The following SLIT3 variants were observed in gnomAD, a reference collection of about 807,000 sequenced individuals.
SLIT3 encodes slit homolog 3 protein.
A neutral mutation model predicts 184.0 loss-of-function variants in SLIT3; 68 were observed. The ratio of observed to expected loss-of-function variants is 0.37; its 90% CI spans 0.30 to 0.45. SLIT3 has a LOEUF of 0.45. SLIT3 is among the 20% of genes least tolerant of loss of function. The probability of loss-of-function intolerance (pLI) is 1.00; values close to 1 mark genes in which losing one functional copy is unlikely to be tolerated. For missense variants in SLIT3, 1,707 were observed against 2,026.0 expected (o/e 0.84, Z 3.02); for synonymous variants, 831 against 828.6 (o/e 1.00, Z -0.05).
At chr5:169,224,511 G>T (rs1764731814) in intron 3 of SLIT3, among the ~76,000 whole-genome samples, 1 of 151,830 alleles carries the variant, frequency 6.6e-6, no homozygotes, top group Non-Finnish European at 1.5e-5. Flanking sequence ...GAGACTACAA[G>T]CGTGCACTAC....
At chr5:169,283,233 T>G (rs1036069002) in intron 1 of SLIT3, among the ~76,000 whole-genome samples, 3 of 152,230 alleles carry the variant, frequency 2.0e-5, no homozygotes, top group Non-Finnish European at 2.9e-5. Context: ...GAAATTTGGT[T>G]GCAATCTTAT....
chr5:169,148,006 CCTGT>C (rs1319346609), intron 4 of SLIT3, among the ~76,000 whole-genome samples: 1 of 152,136 alleles, frequency 6.6e-6, no homozygotes, highest in East Asian at 1.9e-4. Context: ...AAGATTCGTT[CCTGT>C]CTGTTTTTGC....
chr5:168,969,919 C>T (rs925636260), intron 4 of SLIT3, among the ~76,000 whole-genome samples: 15 of 152,344 alleles, frequency 9.8e-5, no homozygotes, highest in South Asian at 4.1e-4. Context: ...CAGTGGCTCC[C>T]GCCTGTAACG....
At chr5:169,123,797 G>A (rs2113295181) in intron 4 of SLIT3, among the ~76,000 whole-genome samples, 1 of 152,330 alleles carries the variant, frequency 6.6e-6, no homozygotes, top group South Asian at 2.1e-4. Flanking sequence ...AGGCAGACTG[G>A]TCAACAGCAA....
chr5:168,778,725 A>G (rs1336916835), intron 12 of SLIT3, among the ~76,000 whole-genome samples: 3 of 152,232 alleles, frequency 2.0e-5, no homozygotes, highest in Non-Finnish European at 4.4e-5. Context: ...ACCGTAGGAC[A>G]GAGATAACAG....
At chr5:169,173,597 A>G (rs1025170015) in intron 4 of SLIT3, among the ~76,000 whole-genome samples, 104 of 152,270 alleles carry the variant, frequency 6.8e-4, no homozygotes, top group African/African-American at 2.5e-3. Flanking sequence ...TAATCTGGGC[A>G]GTTACCACAG....
intron 6 of SLIT3, among the ~76,000 whole-genome samples, chr5:168,828,442 G>A (rs934292192): frequency 6.6e-6 from 1 of 151,866 alleles, no homozygotes; most frequent in Non-Finnish European, 1.5e-5. Flanking sequence ...ACCAGCCTGG[G>A]CAACATAGGG....
At chr5:168,683,939 T>C in intron 32 of SLIT3, 27 bp downstream of exon 32, 1 of 1,462,170 alleles carries the variant, frequency 6.8e-7, no homozygotes, top group Non-Finnish European at 9.1e-7. Flanking sequence ...GAACACACAG[T>C]GGGTCAGGAG....
intron 6 of SLIT3, among the ~76,000 whole-genome samples, chr5:168,825,656 C>CTGTGTG (rs898612114): frequency 6.6e-6 from 1 of 152,128 alleles, no homozygotes; most frequent in Non-Finnish European, 1.5e-5. Flanking sequence ...GGCTTCTTTT[C>CTGTGTG]TGTGTGTGTG....
At chr5:169,190,135 T>C (rs1011734986) in intron 4 of SLIT3, among the ~76,000 whole-genome samples, 2 of 152,158 alleles carry the variant, frequency 1.3e-5, no homozygotes, top group Admixed American at 6.5e-5. Context: ...GCAACATTGA[T>C]TGGCTGGGAC....
chr5:168,666,276 TCCA>T lies in SLIT3; in HGVS notation c.*175_*177del. ...TAATAAAAGATGAAAATAGTCACTT[TCCA>T]TAATAAAAATAAGTTCTATTTTTTG... On this transcript the variant is annotated 3_prime_UTR_variant, in exon 36 of 36. Coordinates refer to ENST00000519560, the MANE Select transcript of SLIT3 (RefSeq NM_003062.4). 1 of 530,922 alleles carries T rather than the reference TCCA, an allele frequency of 1.9e-6. No homozygotes were observed. Among genetic ancestry groups the T allele is most frequent in the Non-Finnish European group, 3.1e-6 (1 of 320,966 alleles). The allele number at this position is 530,922 out of a possible 1,614,324, so 32.9% of individuals were successfully genotyped here. A position where few individuals can be genotyped will look rare whatever the true frequency, so the allele number is the denominator to read the frequency against.
At chr5:169,047,712 A>G (rs558985284) in intron 4 of SLIT3, among the ~76,000 whole-genome samples, 100 of 152,150 alleles carry the variant, frequency 6.6e-4, no homozygotes, top group African/African-American at 2.4e-3. Context: ...GGGGGCCTTC[A>G]TATACAATGC....
At chr5:168,993,683 A>AAC (rs1755410468) in intron 4 of SLIT3, among the ~76,000 whole-genome samples, 1 of 152,012 alleles carries the variant, frequency 6.6e-6, no homozygotes, top group Non-Finnish European at 1.5e-5. Flanking sequence ...GAAAAAAAAA[A>AAC]AAACTCCTGA....
In SLIT3 at chr5:169,015,983, CACAA is replaced by C. The variant is rs772172330; in HGVS notation, c.414-132651_414-132648del. Among the ~76,000 whole-genome samples the C allele has an allele frequency of 7.6e-3, 614 of 80,682 alleles. 6 individuals carry two copies. Among genetic ancestry groups the C allele is most frequent in the East Asian group, 0.064 (75 of 1,178 alleles). The allele number at this position is 80,682 out of a possible 152,430, so 52.9% of individuals were successfully genotyped here. A position where few individuals can be genotyped will look rare whatever the true frequency, so the allele number is the denominator to read the frequency against. On this transcript the variant is annotated intron_variant, in intron 4 of 35. Transcript: ENST00000519560. ...ACACACACACACACACACACACACA[CACAA>C]CTTTCTGTCTGCCCCCTTGCTCTTC...
At position 168,685,107 on chromosome 5, in the gene SLIT3, G is replaced by A. The variant is rs1761705314; in HGVS notation, c.3555+580C>T. ...TGGGATTACAGGCATGCACCACCAC[G>A]CCCTGCTAATTTTTTATTTTTAGTA... On this transcript the variant is annotated intron_variant, in intron 31 of 35. Coordinates refer to ENST00000519560, the MANE Select transcript of SLIT3 (RefSeq NM_003062.4). 3.3e-5 allele frequency among the ~76,000 whole-genome samples: 5 copies of A among 152,108 alleles called. No individual in the cohort carries two copies. In the South Asian group the frequency reaches 8.3e-4, roughly 25 times the overall value.
intron 16 of SLIT3, 38 bp from the exon 17 acceptor site, chr5:168,754,045 A>T (rs1329799150): frequency 1.3e-6 from 2 of 1,531,080 alleles, no homozygotes; most frequent in South Asian, 2.4e-5. Context: ...AATCAAAAGG[A>T]GCAGATGGTC....
At position 169,036,306 on chromosome 5, in the gene SLIT3, T is replaced by C. The variant is rs1372189193; in HGVS notation, c.414-152970A>G. 2.0e-5 allele frequency: 3 copies of C among 152,270 alleles called. No homozygotes were observed. The East Asian group carries it at 5.8e-4, about 29-fold the overall frequency. 9.4% of individuals were successfully genotyped at this position (152,270 alleles called of 1,614,324 possible). On this transcript the variant is annotated intron_variant, in intron 4 of 35. Transcript: ENST00000519560. The stretch of plus-strand genomic sequence containing the variant: ...TTCAGTTTGAATAAACAGAACTAGA[T>C]GAATACACCTAGGGAATCTGTGAGG...
chr5:168,920,192 T>C (rs1057178323), intron 4 of SLIT3, among the ~76,000 whole-genome samples: 2 of 152,086 alleles, frequency 1.3e-5, no homozygotes, highest in Admixed American at 6.5e-5. Context: ...AAGAGGACAA[T>C]AAATAGCTAC....
intron 4 of SLIT3, among the ~76,000 whole-genome samples, chr5:168,907,950 A>G (rs370267124): frequency 1.3e-4 from 6 of 46,302 alleles, no homozygotes; most frequent in Admixed American, 2.5e-4. Context: ...ACGTGTATAT[A>G]TATATATATA....
Sources: gnomAD v4.1 joint callset for allele counts (sites outside exome capture counted in the v4.1 genomes callset) on GRCh38, gnomAD v4.1.1 for gene constraint, MANE v1.5 for transcripts, NCBI Gene and HGNC (gene_info 2026-07-23, HGNC 2026-07-21) for gene names.